The following NOC2L variants were observed in gnomAD, a reference collection of about 807,000 sequenced individuals.
NOC2L encodes the protein nucleolar complex protein 2 homolog.
A neutral mutation model predicts 94.2 loss-of-function variants in NOC2L; 101 were observed. The observed-to-expected ratio is 1.07, with a 90% CI of 0.91 to 1.26. The LOEUF (loss-of-function observed/expected upper bound fraction) is 1.26. Ranked by LOEUF, NOC2L falls within the 50% of genes most tolerant of loss-of-function variation. The probability of loss-of-function intolerance (pLI) is 0.00; values close to 1 mark genes in which losing one functional copy is unlikely to be tolerated. For synonymous variants in NOC2L, 531 were observed against 413.4 expected, an observed-to-expected ratio of 1.28 and a Z score of -3.45; for missense variants, 1,076 against 980.1, an observed-to-expected ratio of 1.10 and a Z score of -1.31.
chr1:958,522 T>C (rs1241807002), intron 2 of NOC2L: 11 of 381,726 alleles, frequency 2.9e-5, no homozygotes, highest in Non-Finnish European at 5.2e-5. Context: ...AGTGCTGGCA[T>C]TACAGGCGTG....
intron 14 of NOC2L, 41 bp from the exon 15 acceptor site, chr1:946,586 T>C (rs748596490): frequency 1.3e-6 from 2 of 1,597,370 alleles, no homozygotes; most frequent in Non-Finnish European, 1.7e-6. Flanking sequence ...CCAGGACCGC[T>C]CCATGTGCAC....
rs1445086522 is a variant in NOC2L at position 958,957 on chromosome 1, C to T, written c.151G>A (p.Asp51Asn). The stretch of plus-strand genomic sequence containing the variant: ...GCCGAGGGGCTCCCGCCCGGCTTAT[C>T]CGGACTCCGGGCAGCCTCGCGTGCT... ...REAREAARSP[D>N]KPGGSPSASR... The change falls in exon 2 of 19, where the codon GAT becomes AAT. Residue 51 changes from aspartate (D) to asparagine (N), a missense_variant. Coordinates refer to ENST00000327044, the MANE Select transcript of NOC2L (RefSeq NM_015658.4). 6.2e-7 allele frequency: 1 copy of T among 1,612,764 alleles called. No individual in the cohort carries two copies.
At chr1:945,443 G>A (rs1642077776) in intron 17 of NOC2L, 75 bp downstream of exon 17, 15 of 1,551,534 alleles carry the variant, frequency 9.7e-6, no homozygotes, top group Non-Finnish European at 1.3e-5. Flanking sequence ...GGTACAGGTG[G>A]CCCTCGTGGC....
rs1048778932 is a variant in NOC2L, at chr1:944,703, C to G, written c.2241G>C (p.Glu747Asp). ...EDELEDLQLS[E>D]DD is the part of the protein sequence containing the mutation. ...CCCCAGATGGGCTGCCTCAGTCGTCCTCTGAGAGCTGCAGATCCTCCAGCT... is the reference window on the plus strand; with the variant it reads ...CCCCAGATGGGCTGCCTCAGTCGTCGTCTGAGAGCTGCAGATCCTCCAGCT... Residue 747 changes from glutamate (E) to aspartate (D), a missense_variant, in exon 19 of 19, where the codon GAG becomes GAC. By Grantham distance (45) the Glu-to-Asp change is conservative. This residue lies in a region of NOC2L where 615 missense variants were observed against 577.4 expected (regional missense o/e 1.07). Coordinates refer to ENST00000327044, the MANE Select transcript of NOC2L (RefSeq NM_015658.4). 1 of 1,596,036 alleles carries G rather than the reference C, an allele frequency of 6.3e-7. No homozygotes were observed. The highest frequency in any genetic ancestry group is 1.7e-5 in the Admixed American group (1 of 59,704).
chr1:952,091 G>A lies in NOC2L; in HGVS notation c.1240C>T (p.Leu414=), dbSNP rs114187206. 1,960 of 1,613,714 alleles carry A rather than the reference G, an allele frequency of 1.2e-3. 15 individuals carry two copies. In the African/African-American group the frequency reaches 0.021, roughly 18 times the overall value. Residue 414 remains leucine, a synonymous_variant, in exon 11 of 19, where the codon CTG becomes TTG. Coordinates refer to ENST00000327044, the MANE Select transcript of NOC2L (RefSeq NM_015658.4). Reference sequence around the variant, plus strand: ...GCAGTGCTCAGGACCCGGCACCACAGGAAGAGGCAGTGCACATACTGCCAG... The same window carrying A: ...GCAGTGCTCAGGACCCGGCACCACAAGAAGAGGCAGTGCACATACTGCCAG... ...YNWQYVHCLF[L]WCRVLSTAGP...
chr1:952,612 C>G lies in NOC2L; in HGVS notation c.1003-12G>C, dbSNP rs754145683. On this transcript the variant is annotated splice_polypyrimidine_tract_variant and intron_variant, in intron 9 of 18. Transcript: ENST00000327044. ...GTGATGTACATTTGCTGCGGAGAGA[C>G]CCGGGTCAGAGCCACCTGGGATCAG... 2 of 1,613,352 alleles carry G rather than the reference C, an allele frequency of 1.2e-6. No individual in the cohort carries two copies. The highest frequency in any genetic ancestry group is 2.2e-5 in the South Asian group (2 of 91,076).
chr1:944,481 A>C lies in NOC2L; in HGVS notation c.*213T>G. ...CCCGCGGAGCTGACTTCAGCAGCCC[A>C]CAGCTGTGGGGCTTCAGCAGCCACA... On this transcript the variant is annotated 3_prime_UTR_variant, in exon 19 of 19. Transcript: ENST00000327044. The C allele has an allele frequency of 4.3e-6, 3 of 695,698 alleles. No homozygotes were observed. 43.1% of individuals were successfully genotyped at this position (695,698 alleles called of 1,614,324 possible).
chr1:948,936 G>A (rs749932795), intron 12 of NOC2L, among the ~76,000 whole-genome samples: 2 of 152,114 alleles, frequency 1.3e-5, no homozygotes, highest in South Asian at 2.1e-4. Context: ...GCCACACAGA[G>A]TACCAGGACA....
rs553373622 is a variant in NOC2L, at chr1:944,530, C to T, written c.*164G>A. The T allele has an allele frequency of 8.8e-5, 55 of 627,476 alleles. No individual in the cohort carries two copies. Among genetic ancestry groups the T allele is most frequent in the African/African-American group, 8.0e-4 (43 of 53,644 alleles). The allele number at this position is 627,476 out of a possible 1,614,324, so 38.9% of individuals were successfully genotyped here. ...CACCAGCCCAGCCCAGCCCAGCTCT[C>T]GATACGTTTGGTCTTTCATGCTGAA... On this transcript the variant is annotated 3_prime_UTR_variant, in exon 19 of 19. Coordinates refer to ENST00000327044, the MANE Select transcript of NOC2L (RefSeq NM_015658.4).
At chr1:952,388 G>A (rs759822621) in intron 10 of NOC2L, 24 bp downstream of exon 10, 2 of 1,610,438 alleles carry the variant, frequency 1.2e-6, no homozygotes, top group Non-Finnish European at 1.7e-6. Context: ...CCCAGCATGA[G>A]CCTGGAAGGG....
rs1642441784 is a variant in NOC2L, at chr1:957,428, C to T, written c.180-155G>A. The T allele has an allele frequency of 1.2e-5, 8 of 671,712 alleles. No homozygotes were observed. In the South Asian group the frequency reaches 1.5e-4, roughly 12 times the overall value. 41.6% of individuals were successfully genotyped at this position (671,712 alleles called of 1,614,324 possible). A position where few individuals can be genotyped will look rare whatever the true frequency, so the allele number is the denominator to read the frequency against. ...TTTTGGCAGACTCACGTCTCCTACCCAACAACCTCTACAACATACCCTCAA... is the reference window on the plus strand; with the variant it reads ...TTTTGGCAGACTCACGTCTCCTACCTAACAACCTCTACAACATACCCTCAA... On this transcript the variant is annotated intron_variant, in intron 2 of 18. Coordinates refer to ENST00000327044, the MANE Select transcript of NOC2L (RefSeq NM_015658.4).
chr1:951,859 G>A (rs1642267532), intron 11 of NOC2L, 141 bp downstream of exon 11: 3 of 927,356 alleles, frequency 3.2e-6, no homozygotes, highest in Non-Finnish European at 4.8e-6. Context: ...GCAGGTACAG[G>A]GACCCCAGCC....
rs776027542 is a variant in NOC2L at position 953,994 on chromosome 1, A to G, written c.777+10T>C. On this transcript the variant is annotated intron_variant, in intron 7 of 18. Coordinates refer to ENST00000327044, the MANE Select transcript of NOC2L (RefSeq NM_015658.4). ...GCCAGGCCCCCGTGCCCTCCCCACC[A>G]GAATAGCACCTGTATGGCCGAGCCC... 1 of 1,604,662 alleles carries G rather than the reference A, an allele frequency of 6.2e-7. No individual in the cohort carries two copies. Among genetic ancestry groups the G allele is most frequent in the African/African-American group, 1.3e-5 (1 of 74,782 alleles).
At chr1:953,126 G>T (rs779406005) in intron 9 of NOC2L, 49 bp downstream of exon 9, 1 of 1,413,094 alleles carries the variant, frequency 7.1e-7, no homozygotes, top group Admixed American at 1.7e-5. Flanking sequence ...CTTAGGCCGA[G>T]ATTTCCAATG....
In NOC2L at chr1:944,481, A is replaced by G. The variant is rs1262868307; in HGVS notation, c.*213T>C. 5.8e-6 allele frequency: 4 copies of G among 695,580 alleles called. No homozygotes were observed. Among genetic ancestry groups the G allele is most frequent in the Non-Finnish European group, 9.0e-6 (4 of 442,306 alleles). 43.1% of individuals were successfully genotyped at this position (695,580 alleles called of 1,614,324 possible). On this transcript the variant is annotated 3_prime_UTR_variant, in exon 19 of 19. Coordinates refer to ENST00000327044, the MANE Select transcript of NOC2L (RefSeq NM_015658.4). ...CCCGCGGAGCTGACTTCAGCAGCCC[A>G]CAGCTGTGGGGCTTCAGCAGCCACA...
At chr1:945,018 G>A (rs1312432583) in intron 18 of NOC2L, 39 bp downstream of exon 18, 9 of 1,613,520 alleles carry the variant, frequency 5.6e-6, no homozygotes, top group Admixed American at 1.7e-5. Context: ...CGCCAGATGG[G>A]CTCACAGGGC....
At chr1:952,269 C>G in intron 10 of NOC2L, 130 bp from the exon 11 acceptor site, 3 of 1,397,674 alleles carry the variant, frequency 2.1e-6, no homozygotes, top group East Asian at 2.4e-5. Context: ...ACCCTTCCCC[C>G]ACCTGCAAGG....
chr1:949,144 C>T (rs918881757), intron 12 of NOC2L, among the ~76,000 whole-genome samples: 1 of 149,710 alleles, frequency 6.7e-6, no homozygotes, highest in Non-Finnish European at 1.5e-5. Context: ...AGGCCATGCA[C>T]CTCCGTAGGA....
At position 959,211 on chromosome 1, in the gene NOC2L, T is replaced by A; in HGVS notation, c.26+4A>T. 6.2e-7 allele frequency: 1 copy of A among 1,609,510 alleles called. No homozygotes were observed. The highest frequency in any genetic ancestry group is 8.5e-7 in the Non-Finnish European group (1 of 1,178,704). ...CCAAATCGGCCCTCGGACCCGCGGCTTACCTCTTGCGGCTCCCCGCAGCTG... is the reference window on the plus strand; with the variant it reads ...CCAAATCGGCCCTCGGACCCGCGGCATACCTCTTGCGGCTCCCCGCAGCTG... On this transcript the variant is annotated splice_donor_region_variant and intron_variant, in intron 1 of 18. Coordinates refer to ENST00000327044, the MANE Select transcript of NOC2L (RefSeq NM_015658.4).
Sources: gnomAD v4.1 joint callset for allele counts (sites outside exome capture counted in the v4.1 genomes callset) on GRCh38, gnomAD v4.1.1 for gene constraint, gnomAD v4.1.1 regional missense constraint, MANE v1.5 for transcripts, NCBI Gene and HGNC (gene_info 2026-07-23, HGNC 2026-07-21) for gene names.